Variants in PPIG observed in about 807,000 individuals in gnomAD.
The protein encoded by PPIG is peptidyl-prolyl cis-trans isomerase G.
In PPIG, 26 loss-of-function variants were observed where a neutral mutation model predicts 87.9. That is an observed-to-expected ratio of 0.30 (90% CI 0.22 to 0.41). The LOEUF is 0.41. Ranked by LOEUF, PPIG falls within the 10% of genes least tolerant of loss-of-function variation. The probability of loss-of-function intolerance (pLI) is 1.00; values close to 1 mark genes in which losing one functional copy is unlikely to be tolerated. For synonymous variants in PPIG, 308 were observed against 276.5 expected (o/e 1.11, Z -1.13); for missense variants, 722 against 879.4 (o/e 0.82, Z 2.26).
intron 9 of PPIG, among the ~76,000 whole-genome samples, chr2:169,629,041 A>G (rs6433128): frequency 0.6 from 90,393 of 151,584 alleles, 27,612 homozygotes; most frequent in African/African-American, 0.73. Context: ...AGGAAAGGTC[A>G]CAAATCAGCT....
At chr2:169,600,280 G>A (rs1283319560) in intron 1 of PPIG, among the ~76,000 whole-genome samples, 1 of 151,886 alleles carries the variant, frequency 6.6e-6, no homozygotes, top group Non-Finnish European at 1.5e-5. Context: ...TTGCCATGTT[G>A]CCCAGGCTGG....
intron 1 of PPIG, among the ~76,000 whole-genome samples, chr2:169,597,069 A>G (rs1476644944): frequency 6.6e-6 from 1 of 152,176 alleles, no homozygotes; most frequent in Non-Finnish European, 1.5e-5. Flanking sequence ...GATATTGTAA[A>G]TAGTGCTGCA....
intron 1 of PPIG, among the ~76,000 whole-genome samples, chr2:169,597,033 G>C (rs1025973122): frequency 8.0e-6 from 1 of 124,576 alleles, no homozygotes; most frequent in African/African-American, 2.7e-5. Flanking sequence ...TCTGTTGATA[G>C]ATACTTAAGT....
chr2:169,618,186 C>T (rs1685651780), intron 9 of PPIG, among the ~76,000 whole-genome samples: 2 of 152,194 alleles, frequency 1.3e-5, no homozygotes, highest in Admixed American at 1.3e-4. Context: ...ACCATTCTTG[C>T]ATCCCAGAGG....
At position 169,613,321 on chromosome 2, in the gene PPIG, T is replaced by C. The variant is rs1407939259; in HGVS notation, c.378-1143T>C. On this transcript the variant is annotated intron_variant, in intron 7 of 13. Transcript: ENST00000260970. ...AATTAGGTAAACCTAAAAATTCAGC[T>C]ATATGTTATAATTTTTTCAGTGGTA... Among the ~76,000 whole-genome samples, 12 of 152,338 alleles carry C rather than the reference T, an allele frequency of 7.9e-5. No individual in the cohort carries two copies. The East Asian group carries it at 2.3e-3, about 29-fold the overall frequency.
In PPIG at chr2:169,636,995, C is replaced by G; in HGVS notation, c.1737C>G (p.Thr579=). 1 of 1,613,684 alleles carries G rather than the reference C, an allele frequency of 6.2e-7. No individual in the cohort carries two copies. Among genetic ancestry groups the G allele is most frequent in the South Asian group, 1.1e-5 (1 of 91,030 alleles). Reference sequence around the variant, plus strand: ...GAAGCAGAAGAGTGCGATCAAGAACCCATGACAGAGATCGCAGCAGAAGCA... The same window carrying G: ...GAAGCAGAAGAGTGCGATCAAGAACGCATGACAGAGATCGCAGCAGAAGCA... The part of the protein sequence containing the change: ...RDRSRRVRSR[T]HDRDRSRSKE... The change falls in exon 14 of 14, where the codon ACC becomes ACG. Residue 579 remains threonine (T), a synonymous_variant. Coordinates refer to ENST00000260970, the MANE Select transcript of PPIG (RefSeq NM_004792.3).
rs189255147 is a variant in PPIG at position 169,609,223 on chromosome 2, G to A, written c.377+465G>A. Among the ~76,000 whole-genome samples the A allele has an allele frequency of 2.6e-3, 393 of 151,876 alleles. 4 individuals are homozygous for A. The highest frequency in any genetic ancestry group is 9.0e-3 in the African/African-American group (375 of 41,444). On this transcript the variant is annotated intron_variant, in intron 7 of 13. Coordinates refer to ENST00000260970, the MANE Select transcript of PPIG (RefSeq NM_004792.3). ...ACAAATAATTGATTTTTTTGTTGTT[G>A]TTTTTGAGACAAGGTCTTGCTCTGT...
chr2:169,600,643 C>T (rs1166483894), intron 1 of PPIG, among the ~76,000 whole-genome samples: 1 of 151,208 alleles, frequency 6.6e-6, no homozygotes, highest in Non-Finnish European at 1.5e-5. Flanking sequence ...CAGTGAGACA[C>T]TTTAAAAATG....
chr2:169,632,361 T>A (rs1686079894), intron 11 of PPIG, among the ~76,000 whole-genome samples: 1 of 152,224 alleles, frequency 6.6e-6, no homozygotes, highest in Non-Finnish European at 1.5e-5. Context: ...AAAATTGATG[T>A]CATGTTCAAA....
chr2:169,608,210 G>T (rs1685384056), intron 6 of PPIG, among the ~76,000 whole-genome samples: 1 of 151,102 alleles, frequency 6.6e-6, no homozygotes, highest in South Asian at 2.1e-4. Context: ...GAGAGGGGAG[G>T]CTGGGCACGG....
intron 13 of PPIG, 44 bp from the exon 14 acceptor site, chr2:169,636,369 C>A (rs1256374513): frequency 1.3e-6 from 2 of 1,483,790 alleles, no homozygotes; most frequent in Non-Finnish European, 9.0e-7. Context: ...ATCTACAGTT[C>A]TTTTCCTAAT....
In PPIG at chr2:169,640,439, ATGTT is replaced by A. The variant is rs1330875684; in HGVS notation, c.*2921_*2924del. ...TAGTTAGTATATGTAGCAAGTTAGT[ATGTT>A]TGTTAGTAGTTTATTGTACTTCATT... is the stretch of plus-strand genomic sequence containing the variant. On this transcript the variant is annotated 3_prime_UTR_variant, in exon 14 of 14. Coordinates refer to ENST00000260970, the MANE Select transcript of PPIG (RefSeq NM_004792.3). 2 of 152,172 alleles carry A rather than the reference ATGTT, an allele frequency of 1.3e-5. No homozygotes were observed. The highest frequency in any genetic ancestry group is 6.5e-5 in the Admixed American group (1 of 15,278). 9.4% of individuals were successfully genotyped at this position (152,172 alleles called of 1,614,324 possible).
At chr2:169,597,743 C>G (rs1336154601) in intron 1 of PPIG, among the ~76,000 whole-genome samples, 1 of 152,154 alleles carries the variant, frequency 6.6e-6, no homozygotes, top group Non-Finnish European at 1.5e-5. Context: ...AGGTGATCCA[C>G]TTGCCTTGAC....
intron 9 of PPIG, among the ~76,000 whole-genome samples, chr2:169,616,965 G>T (rs1464595565): frequency 6.6e-6 from 1 of 152,064 alleles, no homozygotes; most frequent in Non-Finnish European, 1.5e-5. Flanking sequence ...TTATTCTAGG[G>T]TTTTTATGGT....
At chr2:169,618,629 G>T (rs888275700) in intron 9 of PPIG, among the ~76,000 whole-genome samples, 1 of 152,174 alleles carries the variant, frequency 6.6e-6, no homozygotes, top group East Asian at 1.9e-4. Context: ...AGATTTTCTA[G>T]TGTATTTGTG....
chr2:169,623,168 A>G (rs1685801542), intron 9 of PPIG, among the ~76,000 whole-genome samples: 1 of 152,202 alleles, frequency 6.6e-6, no homozygotes, highest in Non-Finnish European at 1.5e-5. Context: ...ACTGGAAGCT[A>G]ATAAAAGCTG....
intron 1 of PPIG, among the ~76,000 whole-genome samples, chr2:169,601,865 C>T (rs2592811): frequency 0.4 from 61,044 of 151,128 alleles, 12,936 homozygotes; most frequent in East Asian, 0.58. Flanking sequence ...TTGAGATATG[C>T]TTCAAGGATA....
chr2:169,619,751 C>CTT (rs199701728), intron 9 of PPIG, among the ~76,000 whole-genome samples: 32 of 148,078 alleles, frequency 2.2e-4, no homozygotes, highest in African/African-American at 6.9e-4. Flanking sequence ...CCCTTGTTTT[C>CTT]TTTTTTTTTT....
At position 169,639,054 on chromosome 2, in the gene PPIG, G is replaced by C. The variant is rs577843130; in HGVS notation, c.*1531G>C. On this transcript the variant is annotated 3_prime_UTR_variant, in exon 14 of 14. Transcript: ENST00000260970. ...ATGATACTTCCCACTATTGATTAATGCAATATTGATATATTTGGCGTTGTG... is the reference window on the plus strand; with the variant it reads ...ATGATACTTCCCACTATTGATTAATCCAATATTGATATATTTGGCGTTGTG... 1 of 151,968 alleles carries C rather than the reference G, an allele frequency of 6.6e-6. No homozygotes were observed. Among genetic ancestry groups the C allele is most frequent in the Admixed American group, 6.6e-5 (1 of 15,236 alleles). The allele number at this position is 151,968 out of a possible 1,614,324, so 9.4% of individuals were successfully genotyped here.
Sources: allele counts gnomAD v4.1 joint callset (sites outside exome capture counted in the v4.1 genomes callset), GRCh38; gene constraint gnomAD v4.1.1; transcripts MANE v1.5; gene names NCBI Gene and HGNC (gene_info 2026-07-23, HGNC 2026-07-21).